The following UAP1 variants were observed in gnomAD, a reference collection of about 807,000 sequenced individuals.
The protein encoded by UAP1 is UDP-N-acetylglucosamine pyrophosphorylase 1.
In UAP1, 25 loss-of-function variants were observed where a neutral mutation model predicts 58.5. The observed-to-expected ratio is 0.43, with a 90% CI of 0.31 to 0.60. The LOEUF is 0.60. Among genes scored for constraint, UAP1 ranks in the 20% least tolerant of loss-of-function variants. The pLI is 0.11. For missense variants in UAP1, 575 were observed against 630.0 expected (o/e 0.91, Z 0.93); for synonymous variants, 208 against 213.0 (o/e 0.98, Z 0.21).
chr1:162,564,358 G>C (rs1264803046), intron 1 of UAP1, among the ~76,000 whole-genome samples: 1 of 152,126 alleles, frequency 6.6e-6, no homozygotes, highest in African/African-American at 2.4e-5. Context: ...AAGTGGCTCA[G>C]CTTAGCCTAG....
intron 4 of UAP1, among the ~76,000 whole-genome samples, 157 bp from the exon 5 acceptor site, chr1:162,581,130 T>G (rs1380824710): frequency 2.2e-4 from 33 of 152,246 alleles, no homozygotes; most frequent in Admixed American, 2.2e-3. Context: ...GTTCAATTTT[T>G]TTGACACCTG....
intron 2 of UAP1, 97 bp from the exon 3 acceptor site, chr1:162,576,680 A>G (rs1213249642): frequency 2.6e-6 from 3 of 1,152,004 alleles, no homozygotes; most frequent in Non-Finnish European, 2.5e-6. Context: ...GTATAGCCTT[A>G]CTTCCTTTTT....
intron 5 of UAP1, among the ~76,000 whole-genome samples, chr1:162,587,162 T>A (rs1654947252): frequency 6.6e-6 from 1 of 152,158 alleles, no homozygotes; most frequent in Non-Finnish European, 1.5e-5. Context: ...ACATGGGGGA[T>A]GTTGACTCCT....
At chr1:162,571,092 CTTTTTT>C (rs201314469) in intron 2 of UAP1, among the ~76,000 whole-genome samples, 2 of 124,466 alleles carry the variant, frequency 1.6e-5, no homozygotes, top group Non-Finnish European at 3.5e-5. Context: ...GTCTGGCTTT[CTTTTTT>C]TTTTTTTTTT....
chr1:162,577,338 T>G (rs981596333), intron 3 of UAP1, among the ~76,000 whole-genome samples: 2 of 151,664 alleles, frequency 1.3e-5, no homozygotes, highest in Non-Finnish European at 2.9e-5. Flanking sequence ...TGCACTGACT[T>G]CTGTGCTATG....
At chr1:162,586,841 T>G (rs920817097) in intron 5 of UAP1, among the ~76,000 whole-genome samples, 1 of 152,208 alleles carries the variant, frequency 6.6e-6, no homozygotes, top group African/African-American at 2.4e-5. Flanking sequence ...AAGTATAGAA[T>G]CACTTATTTC....
At chr1:162,562,970 A>G (rs1027290611) in intron 1 of UAP1, among the ~76,000 whole-genome samples, 2 of 152,234 alleles carry the variant, frequency 1.3e-5, no homozygotes, top group Non-Finnish European at 2.9e-5. Flanking sequence ...AATATATTTG[A>G]TAATGGTAGA....
intron 8 of UAP1, 89 bp downstream of exon 8, chr1:162,590,600 A>T: frequency 8.6e-7 from 1 of 1,168,108 alleles, no homozygotes; most frequent in Non-Finnish European, 1.2e-6. Flanking sequence ...CTGTATTCCT[A>T]GATCTTTTTT....
intron 5 of UAP1, among the ~76,000 whole-genome samples, chr1:162,586,060 C>T (rs1654888051): frequency 6.6e-6 from 1 of 152,154 alleles, no homozygotes. Context: ...TCCAGCAGTC[C>T]TGCCTCACTG....
At chr1:162,590,236 T>G in intron 7 of UAP1, 87 bp from the exon 8 acceptor site, 5 of 1,078,480 alleles carry the variant, frequency 4.6e-6, no homozygotes, top group Non-Finnish European at 6.6e-6. Flanking sequence ...AGCCTATTGT[T>G]GAGACCAAAG....
At chr1:162,563,550 A>G (rs1327402650) in intron 1 of UAP1, among the ~76,000 whole-genome samples, 1 of 151,978 alleles carries the variant, frequency 6.6e-6, no homozygotes, top group Non-Finnish European at 1.5e-5. Context: ...TTTTTAGTGG[A>G]GATGGGGTTT....
chr1:162,579,066 A>G (rs1361623412), intron 3 of UAP1, among the ~76,000 whole-genome samples: 1 of 152,174 alleles, frequency 6.6e-6, no homozygotes, highest in Non-Finnish European at 1.5e-5. Context: ...ATTAAACTGT[A>G]TTGCAGTTAC....
At chr1:162,584,944 ACT>A (rs1571079283) in intron 5 of UAP1, among the ~76,000 whole-genome samples, 1 of 152,182 alleles carries the variant, frequency 6.6e-6, no homozygotes, top group South Asian at 2.1e-4. Flanking sequence ...AATTATAGTA[ACT>A]CTGAGGTTAA....
intron 10 of UAP1, 51 bp downstream of exon 10, chr1:162,597,909 TC>T (rs748427935): frequency 6.8e-7 from 1 of 1,480,988 alleles, no homozygotes; most frequent in South Asian, 1.2e-5. Context: ...TTTGTATATT[TC>T]AAAATAATGA....
At position 162,581,476 on chromosome 1, in the gene UAP1, C is replaced by A; in HGVS notation, c.834+17C>A. The stretch of plus-strand genomic sequence containing the variant: ...GGAGCAAAGGTAATGCCTTTCTCAA[C>A]TATGGTGAGGCTTTTGATGGTCTTG... On this transcript the variant is annotated intron_variant, in intron 5 of 10. Transcript: ENST00000271469. 6.2e-7 allele frequency: 1 copy of A among 1,607,922 alleles called. No homozygotes were observed. The highest frequency in any genetic ancestry group is 8.5e-7 in the Non-Finnish European group (1 of 1,176,442).
intron 10 of UAP1, among the ~76,000 whole-genome samples, chr1:162,598,917 G>C (rs1655770775): frequency 6.6e-6 from 1 of 152,048 alleles, no homozygotes; most frequent in Non-Finnish European, 1.5e-5. Flanking sequence ...TTAGGAGGCT[G>C]AGGCACGAGA....
intron 6 of UAP1, among the ~76,000 whole-genome samples, 186 bp from the exon 7 acceptor site, chr1:162,588,507 T>A (rs1057246543): frequency 1.3e-5 from 2 of 152,182 alleles, no homozygotes; most frequent in African/African-American, 2.4e-5. Context: ...GATTTTTTTT[T>A]AAATATAAAG....
chr1:162,599,449 A>G, exon 11 of UAP1: 3 of 843,660 alleles, frequency 3.6e-6, no homozygotes, highest in South Asian at 3.2e-5. Context: ...GTCTTGGACA[A>G]CTGAAGTTTA....
chr1:162,592,468 G>A (rs1404618369), intron 8 of UAP1, among the ~76,000 whole-genome samples: 1 of 152,126 alleles, frequency 6.6e-6, no homozygotes, highest in African/African-American at 2.4e-5. Flanking sequence ...AAGCAGCAGT[G>A]GTAGCTTTCA....
Sources: allele counts gnomAD v4.1 joint callset (sites outside exome capture counted in the v4.1 genomes callset), GRCh38; gene constraint gnomAD v4.1.1; transcripts MANE v1.5; gene names NCBI Gene and HGNC (gene_info 2026-07-23, HGNC 2026-07-21).